Variants in COL8A1 observed in about 807,000 individuals in gnomAD.
COL8A1 encodes collagen alpha-1(VIII) chain.
COL8A1 carries 21 observed loss-of-function variants against 42.7 expected under a neutral mutation model. The ratio of observed to expected loss-of-function variants is 0.49; its 90% CI spans 0.35 to 0.71. The LOEUF is 0.71. COL8A1 is among the 30% of genes least tolerant of loss of function. The pLI, the probability that COL8A1 is intolerant of heterozygous loss-of-function variation, is 0.01. For missense variants in COL8A1, 788 were observed against 962.4 expected, an observed-to-expected ratio of 0.82 and a Z score of 2.40; for synonymous variants, 367 against 369.1, an observed-to-expected ratio of 0.99 and a Z score of 0.06.
intron 1 of COL8A1, among the ~76,000 whole-genome samples, chr3:99,741,743 C>A (rs567968185): frequency 1.3e-5 from 2 of 152,248 alleles, no homozygotes; most frequent in Admixed American, 6.5e-5. Flanking sequence ...CTCCAAAAAA[C>A]AATGTTCCAG....
At chr3:99,732,895 T>C (rs1042836408) in intron 1 of COL8A1, among the ~76,000 whole-genome samples, 5 of 151,986 alleles carry the variant, frequency 3.3e-5, no homozygotes, top group African/African-American at 1.2e-4. Flanking sequence ...ATTGGGAAAA[T>C]ACACCCTTTC....
intron 2 of COL8A1, among the ~76,000 whole-genome samples, chr3:99,761,923 A>G (rs1002163928): frequency 6.6e-6 from 1 of 152,142 alleles, no homozygotes; most frequent in Non-Finnish European, 1.5e-5. Flanking sequence ...TGGAATTTTT[A>G]TTAAGAATTC....
intron 2 of COL8A1, among the ~76,000 whole-genome samples, chr3:99,750,341 G>C (rs1169726446): frequency 2.6e-5 from 4 of 152,104 alleles, no homozygotes; most frequent in Non-Finnish European, 4.4e-5. Context: ...ACAGGCGTGA[G>C]CCACTACACC....
At chr3:99,741,413 A>G (rs541796752) in intron 1 of COL8A1, among the ~76,000 whole-genome samples, 1 of 152,330 alleles carries the variant, frequency 6.6e-6, no homozygotes, top group South Asian at 2.1e-4. Flanking sequence ...TAATAAATAC[A>G]AGAGGGTATG....
At chr3:99,639,852 C>T (rs1048407469) in intron 1 of COL8A1, among the ~76,000 whole-genome samples, 9 of 152,196 alleles carry the variant, frequency 5.9e-5, no homozygotes, top group Admixed American at 2.0e-4. Flanking sequence ...AACCAAACCA[C>T]TCTTTTAGCC....
At chr3:99,641,859 A>G (rs886431811) in intron 1 of COL8A1, among the ~76,000 whole-genome samples, 1 of 152,182 alleles carries the variant, frequency 6.6e-6, no homozygotes, top group African/African-American at 2.4e-5. Flanking sequence ...TGAAAGGTGC[A>G]CTGGTCTAAC....
intron 1 of COL8A1, among the ~76,000 whole-genome samples, chr3:99,661,577 A>G (rs1938208437): frequency 6.6e-6 from 1 of 152,218 alleles, no homozygotes; most frequent in Non-Finnish European, 1.5e-5. Context: ...TTAAAAAAAT[A>G]AAAATAGAAT....
chr3:99,705,276 C>A (rs73150300), intron 1 of COL8A1, among the ~76,000 whole-genome samples: 8,003 of 152,308 alleles, frequency 0.053, 320 homozygotes, highest in South Asian at 0.15. Context: ...TATGGAGCCT[C>A]TGTTATGAAT....
At chr3:99,694,601 T>C (rs768453291) in intron 1 of COL8A1, among the ~76,000 whole-genome samples, 5 of 151,228 alleles carry the variant, frequency 3.3e-5, no homozygotes, top group Non-Finnish European at 7.4e-5. Flanking sequence ...ACTAAATGTG[T>C]CAAATCAAAA....
intron 1 of COL8A1, among the ~76,000 whole-genome samples, chr3:99,644,255 C>G (rs547958551): frequency 2.0e-5 from 3 of 152,162 alleles, no homozygotes; most frequent in African/African-American, 7.2e-5. Flanking sequence ...TTTATAAGTA[C>G]CATATCTATT....
At chr3:99,669,146 T>TATATAG in intron 1 of COL8A1, among the ~76,000 whole-genome samples, 40 of 115,390 alleles carry the variant, frequency 3.5e-4, no homozygotes, top group African/African-American at 1.1e-3. Context: ...TATATATATA[T>TATATAG]AGAGGGAGAG....
chr3:99,641,078 A>T (rs1937500329), intron 1 of COL8A1, among the ~76,000 whole-genome samples: 1 of 152,150 alleles, frequency 6.6e-6, no homozygotes, highest in South Asian at 2.1e-4. Flanking sequence ...AAAATTATAA[A>T]ATGATATCCT....
intron 1 of COL8A1, among the ~76,000 whole-genome samples, chr3:99,716,467 T>G (rs1939998818): frequency 6.6e-6 from 1 of 152,076 alleles, no homozygotes; most frequent in Non-Finnish European, 1.5e-5. Flanking sequence ...CATAGATTCA[T>G]TTAATAATAT....
chr3:99,679,613 T>C (rs568732548), intron 1 of COL8A1: 1 of 152,318 alleles, frequency 6.6e-6, no homozygotes, highest in Non-Finnish European at 1.5e-5. Flanking sequence ...TTTCACTAAC[T>C]TGGTGTATGA....
chr3:99,737,561 C>A (rs913932426), intron 1 of COL8A1, among the ~76,000 whole-genome samples: 1 of 152,124 alleles, frequency 6.6e-6, no homozygotes, highest in African/African-American at 2.4e-5. Flanking sequence ...GGCCCCCACT[C>A]TCTTCTGGCT....
At chr3:99,673,096 A>G (rs966457385) in intron 1 of COL8A1, among the ~76,000 whole-genome samples, 4 of 152,046 alleles carry the variant, frequency 2.6e-5, no homozygotes, top group Non-Finnish European at 4.4e-5. Flanking sequence ...AATGGGACAG[A>G]CTATTTCCAG....
chr3:99,677,710 G>A (rs1938743948), intron 1 of COL8A1: 1 of 152,150 alleles, frequency 6.6e-6, no homozygotes, highest in African/African-American at 2.4e-5. Flanking sequence ...GAATTTGCTA[G>A]ACTTCAGGGC....
intron 1 of COL8A1, among the ~76,000 whole-genome samples, chr3:99,718,585 G>C (rs1252855487): frequency 6.6e-6 from 1 of 151,984 alleles, no homozygotes; most frequent in Non-Finnish European, 1.5e-5. Context: ...AAATCCACTT[G>C]AAACTGCCCA....
chr3:99,695,678 C>T (rs1939345367), intron 1 of COL8A1, among the ~76,000 whole-genome samples: 1 of 152,068 alleles, frequency 6.6e-6, no homozygotes, highest in Admixed American at 6.6e-5. Context: ...AGCATTGCCA[C>T]AATTTTTCAT....
Sources: gnomAD v4.1 joint callset for allele counts (sites outside exome capture counted in the v4.1 genomes callset) on GRCh38, gnomAD v4.1.1 for gene constraint, MANE v1.5 for transcripts, NCBI Gene and HGNC (gene_info 2026-07-23, HGNC 2026-07-21) for gene names.